ZBTB20: variants seen among roughly 807,000 people sequenced by gnomAD.
ZBTB20 encodes the protein zinc finger and BTB domain-containing protein 20.
ZBTB20 carries 9 observed loss-of-function variants against 56.9 expected under a neutral mutation model. That is an observed-to-expected ratio of 0.16 (90% CI 0.10 to 0.28). The LOEUF (loss-of-function observed/expected upper bound fraction) is 0.28. Among genes scored for constraint, ZBTB20 ranks in the 10% least tolerant of loss-of-function variants. The pLI, the probability that ZBTB20 is intolerant of heterozygous loss-of-function variation, is 1.00. For synonymous variants in ZBTB20, 417 were observed against 420.7 expected (o/e 0.99, Z 0.11); for missense variants, 655 against 1,003.0 (o/e 0.65, Z 4.69).
chr3:114,517,062 G>C (rs115158614), intron 6 of ZBTB20, among the ~76,000 whole-genome samples: 2,020 of 152,238 alleles, frequency 0.013, 39 homozygotes, highest in African/African-American at 0.046. Flanking sequence ...TATGTGCTAG[G>C]AACTGCTCTA....
intron 2 of ZBTB20, among the ~76,000 whole-genome samples, chr3:115,028,417 T>G (rs944219131): frequency 1.3e-5 from 2 of 150,744 alleles, no homozygotes; most frequent in African/African-American, 4.8e-5. Flanking sequence ...ATTAACATTT[T>G]CATATTACAT....
At chr3:114,570,193 C>T (rs1010042879) in intron 6 of ZBTB20, among the ~76,000 whole-genome samples, 108 of 150,566 alleles carry the variant, frequency 7.2e-4, no homozygotes, top group African/African-American at 2.1e-3. Context: ...AAATCTGTGA[C>T]TTGTGTAAAT....
chr3:114,370,212 G>T (rs1241771086), intron 10 of ZBTB20, among the ~76,000 whole-genome samples: 1 of 152,064 alleles, frequency 6.6e-6, no homozygotes, highest in African/African-American at 2.4e-5. Context: ...AGTCTATAAT[G>T]GGCTAGGAAC....
chr3:114,718,457 T>C (rs780270886), intron 5 of ZBTB20, among the ~76,000 whole-genome samples: 1 of 152,120 alleles, frequency 6.6e-6, no homozygotes, highest in Non-Finnish European at 1.5e-5. Context: ...CAGTCATTCC[T>C]GACTTACAAA....
At chr3:114,714,992 C>T (rs1257532189) in intron 5 of ZBTB20, among the ~76,000 whole-genome samples, 1 of 152,088 alleles carries the variant, frequency 6.6e-6, no homozygotes, top group Non-Finnish European at 1.5e-5. Flanking sequence ...TTTCCTTCTC[C>T]CCTTTAGGCA....
intron 2 of ZBTB20, among the ~76,000 whole-genome samples, chr3:115,018,249 C>T (rs966418994): frequency 1.3e-5 from 2 of 151,178 alleles, no homozygotes; most frequent in East Asian, 2.0e-4. Flanking sequence ...GTTAATCATG[C>T]TTTGCCATAG....
chr3:114,942,204 A>C (rs2076743592), intron 3 of ZBTB20, among the ~76,000 whole-genome samples: 1 of 145,584 alleles, frequency 6.9e-6, no homozygotes, highest in African/African-American at 2.8e-5. Context: ...GAATGCATGT[A>C]ATCATGTAAA....
intron 7 of ZBTB20, among the ~76,000 whole-genome samples, chr3:114,458,555 CATG>C: frequency 6.6e-6 from 1 of 152,172 alleles, no homozygotes; most frequent in African/African-American, 2.4e-5. Context: ...ATGACCTGCT[CATG>C]ATAAGCTGAT....
chr3:114,762,438 A>G (rs1354622379), intron 5 of ZBTB20, among the ~76,000 whole-genome samples: 1 of 152,162 alleles, frequency 6.6e-6, no homozygotes, highest in Non-Finnish European at 1.5e-5. Flanking sequence ...GACCTAAACT[A>G]TGGCACAAAT....
At chr3:115,132,505 C>G (rs1436329388) in intron 1 of ZBTB20, among the ~76,000 whole-genome samples, 1 of 152,202 alleles carries the variant, frequency 6.6e-6, no homozygotes, top group Non-Finnish European at 1.5e-5. Context: ...AATGTTATAT[C>G]ATTTACCAAC....
chr3:114,681,613 T>C (rs1258049720), intron 6 of ZBTB20, among the ~76,000 whole-genome samples: 1 of 152,232 alleles, frequency 6.6e-6, no homozygotes, highest in African/African-American at 2.4e-5. Context: ...AATGTGGATT[T>C]GTATTTTAAT....
At chr3:114,433,242 A>G (rs2090252379) in intron 7 of ZBTB20, among the ~76,000 whole-genome samples, 1 of 152,204 alleles carries the variant, frequency 6.6e-6, no homozygotes, top group Non-Finnish European at 1.5e-5. Context: ...ACCACTTGGA[A>G]TGAAATCCCA....
intron 3 of ZBTB20, among the ~76,000 whole-genome samples, chr3:114,965,371 G>A (rs1182386186): frequency 6.6e-6 from 1 of 152,008 alleles, no homozygotes; most frequent in Non-Finnish European, 1.5e-5. Context: ...TTTACACAAT[G>A]TACAACATAT....
At chr3:114,707,552 C>T (rs1389883908) in intron 5 of ZBTB20, among the ~76,000 whole-genome samples, 1 of 152,178 alleles carries the variant, frequency 6.6e-6, no homozygotes, top group African/African-American at 2.4e-5. Context: ...ACATGCCCGA[C>T]CCTTTCCCTA....
intron 7 of ZBTB20, among the ~76,000 whole-genome samples, chr3:114,472,829 G>T (rs1317512811): frequency 6.6e-6 from 1 of 152,180 alleles, no homozygotes; most frequent in African/African-American, 2.4e-5. Flanking sequence ...AGGCAATGCT[G>T]TAATAACAAG....
rs147244586 is a variant in ZBTB20, at chr3:114,770,604, C to T, written c.-343+30497G>A. Among the ~76,000 whole-genome samples the T allele has an allele frequency of 2.6e-5, 4 of 152,140 alleles. No homozygotes were observed. The East Asian group carries it at 7.7e-4, about 29-fold the overall frequency. ...TCTTGCCTGGGCAACTTTTGGTTGT[C>T]AACTGAGTAGAAAAAAGCGCCATCT... On this transcript the variant is annotated intron_variant, in intron 5 of 11. Transcript: ENST00000675478.
At chr3:115,077,891 A>C (rs2082652355) in intron 1 of ZBTB20, among the ~76,000 whole-genome samples, 1 of 152,242 alleles carries the variant, frequency 6.6e-6, no homozygotes, top group Non-Finnish European at 1.5e-5. Context: ...GGTATTTATC[A>C]AAAGAAACTA....
intron 5 of ZBTB20, among the ~76,000 whole-genome samples, chr3:114,697,918 G>T (rs1318061033): frequency 6.6e-6 from 1 of 152,028 alleles, no homozygotes; most frequent in Admixed American, 6.6e-5. Context: ...AAATGGTCTT[G>T]AGCTGGTGAC....
chr3:115,029,790 T>G (rs572875880), intron 2 of ZBTB20, among the ~76,000 whole-genome samples: 1 of 150,804 alleles, frequency 6.6e-6, no homozygotes, highest in African/African-American at 2.4e-5. Flanking sequence ...ATAAAAGAAA[T>G]AGAAGCAAAT....
Sources: gnomAD v4.1 joint callset for allele counts (sites outside exome capture counted in the v4.1 genomes callset) on GRCh38, gnomAD v4.1.1 for gene constraint, MANE v1.5 for transcripts, NCBI Gene and HGNC (gene_info 2026-07-23, HGNC 2026-07-21) for gene names.